ANKS1B: variants seen among roughly 807,000 people sequenced by gnomAD.
ANKS1B encodes ankyrin repeat and sterile alpha motif domain-containing protein 1B.
A neutral mutation model predicts 148.3 loss-of-function variants in ANKS1B; 36 were observed. The ratio of observed to expected loss-of-function variants is 0.24; its 90% confidence interval spans 0.19 to 0.32. The LOEUF (loss-of-function observed/expected upper bound fraction) is 0.32. Among genes scored for constraint, ANKS1B ranks in the 10% least tolerant of loss-of-function variants. ANKS1B has a pLI of 1.00. For missense variants in ANKS1B, 1,157 were observed against 1,542.6 expected (o/e 0.75, Z 4.19); for synonymous variants, 542 against 560.8 (o/e 0.97, Z 0.47).
At chr12:99,694,157 T>C (rs1173406106) in intron 8 of ANKS1B, among the ~76,000 whole-genome samples, 2 of 148,240 alleles carry the variant, frequency 1.3e-5, no homozygotes, top group African/African-American at 2.5e-5. Flanking sequence ...GACTATGAGA[T>C]GGGCACGGTG....
chr12:99,128,552 C>T (rs1401982428), intron 15 of ANKS1B, among the ~76,000 whole-genome samples: 2 of 152,090 alleles, frequency 1.3e-5, no homozygotes, highest in Non-Finnish European at 2.9e-5. Context: ...CTAATTTGAA[C>T]CTGTTTGAAT....
intron 25 of ANKS1B, among the ~76,000 whole-genome samples, chr12:98,759,750 C>T (rs1006621828): frequency 3.3e-5 from 5 of 152,054 alleles, no homozygotes; most frequent in East Asian, 1.9e-4. Flanking sequence ...AAACTGGAGG[C>T]GGGTGGATTG....
chr12:99,636,799 C>T (rs1482838409), intron 9 of ANKS1B, among the ~76,000 whole-genome samples: 6 of 152,116 alleles, frequency 3.9e-5, no homozygotes, highest in Non-Finnish European at 8.8e-5. Context: ...TTTATGATTA[C>T]AAATTTTAGC....
chr12:99,254,430 G>A lies in ANKS1B; in HGVS notation c.1757-7566C>T, dbSNP rs564528524. On this transcript the variant is annotated intron_variant, in intron 12 of 26. Transcript: ENST00000683438. ...GAGTTGTTCAGAGGCTACATGATGTGTCTTTTCACAGTGGAAATATGTGAT... is the reference window on the plus strand; with the variant it reads ...GAGTTGTTCAGAGGCTACATGATGTATCTTTTCACAGTGGAAATATGTGAT... Among the ~76,000 whole-genome samples the A allele has an allele frequency of 4.6e-5, 7 of 152,278 alleles. No individual in the cohort carries two copies. In the South Asian group the frequency reaches 1.2e-3, roughly 27 times the overall value.
At chr12:99,060,007 CG>C (rs2041867737) in intron 16 of ANKS1B, among the ~76,000 whole-genome samples, 1 of 151,844 alleles carries the variant, frequency 6.6e-6, no homozygotes, top group African/African-American at 2.4e-5. Context: ...TAAGCATGAA[CG>C]GAAGTCAGGC....
chr12:99,962,871 T>C (rs952284345), intron 1 of ANKS1B, among the ~76,000 whole-genome samples: 1 of 149,922 alleles, frequency 6.7e-6, no homozygotes, highest in Non-Finnish European at 1.5e-5. Context: ...TGGAGTGCAG[T>C]GGCATGATCT....
At chr12:98,853,101 G>A (rs1379960600) in intron 17 of ANKS1B, among the ~76,000 whole-genome samples, 1 of 152,178 alleles carries the variant, frequency 6.6e-6, no homozygotes, top group South Asian at 2.1e-4. Context: ...CCATTTGACT[G>A]GCAACAGCCT....
At chr12:98,937,322 G>T (rs996244005) in intron 17 of ANKS1B, among the ~76,000 whole-genome samples, 3 of 151,568 alleles carry the variant, frequency 2.0e-5, no homozygotes, top group Non-Finnish European at 4.4e-5. Flanking sequence ...AATTAATAGG[G>T]GTAGGTGATA....
intron 15 of ANKS1B, among the ~76,000 whole-genome samples, chr12:99,105,234 G>A (rs2058891995): frequency 6.6e-6 from 1 of 152,168 alleles, no homozygotes; most frequent in African/African-American, 2.4e-5. Context: ...AGACAGTTCA[G>A]ATTTCACCTT....
intron 11 of ANKS1B, among the ~76,000 whole-genome samples, chr12:99,412,453 G>A (rs2094742149): frequency 6.6e-6 from 1 of 152,194 alleles, no homozygotes; most frequent in Admixed American, 6.5e-5. Flanking sequence ...ACCATGCCCT[G>A]TTGCTCAGGC....
intron 8 of ANKS1B, among the ~76,000 whole-genome samples, chr12:99,739,095 C>G (rs1274127273): frequency 6.6e-6 from 1 of 152,010 alleles, no homozygotes; most frequent in African/African-American, 2.4e-5. Context: ...TCATCTTTCT[C>G]CAAAATCTCT....
At chr12:99,061,931 G>A (rs546124735) in intron 16 of ANKS1B, among the ~76,000 whole-genome samples, 4 of 152,160 alleles carry the variant, frequency 2.6e-5, no homozygotes, top group African/African-American at 9.7e-5. Flanking sequence ...GATAAGAGGA[G>A]AAAAATGCAG....
Position 98,745,747 on chromosome 12 carries a change from T to A in ANKS1B, c.3850A>T (p.Ile1284Phe). The A allele has an allele frequency of 6.2e-7, 1 of 1,613,438 alleles. No homozygotes were observed. Among genetic ancestry groups the A allele is most frequent in the Non-Finnish European group, 8.5e-7 (1 of 1,179,624 alleles). Residue 1284 changes from isoleucine to phenylalanine, a missense_variant, in exon 27 of 27, where the codon ATT (isoleucine) becomes TTT (phenylalanine). Physicochemically the swap from Ile to Phe is conservative, Grantham distance 21. This residue lies in a region of ANKS1B where 46 missense variants were observed against 62.0 expected (regional missense o/e 0.74). Transcript: ENST00000683438. ...CAGGAGGACGGCGAGTATCAGAAAA[T>A]CGTGGTTTCATACTTGGTATTAATG... Reference protein sequence around the residue: ...RGINTKYETTIF With the variant: ...RGINTKYETTFF
intron 8 of ANKS1B, among the ~76,000 whole-genome samples, chr12:99,695,710 C>G (rs1324890576): frequency 6.6e-6 from 1 of 152,090 alleles, no homozygotes; most frequent in Non-Finnish European, 1.5e-5. Context: ...AGGGGAACAA[C>G]ACTCACTGGG....
At chr12:99,121,224 A>G (rs2062726552) in intron 15 of ANKS1B, among the ~76,000 whole-genome samples, 2 of 151,936 alleles carry the variant, frequency 1.3e-5, no homozygotes, top group African/African-American at 2.4e-5. Flanking sequence ...GAGAAAAGAC[A>G]GAGGCTGAAG....
chr12:99,399,760 G>C lies in ANKS1B; in HGVS notation c.1627C>G (p.His543Asp), dbSNP rs1176943314. The change falls in exon 12 of 27, where the codon CAC becomes GAC. Residue 543 changes from histidine to aspartate, a missense_variant. His to Asp is a moderately conservative substitution (Grantham distance 81). Around this residue, in one of 6 missense-constraint regions of ANKS1B, gnomAD observed 661 missense variants for 642.1 expected, o/e 1.03. Coordinates refer to ENST00000683438, the MANE Select transcript of ANKS1B (RefSeq NM_001352186.2). ...VSSLDFHRMN[H>D]NQEYFEINTS... ...TTGATTTCAAAATATTCTTGGTTGT[G>C]ATTCATTCGGTGAAAATCCAGAGAA... 2.5e-6 allele frequency: 4 copies of C among 1,613,480 alleles called. No homozygotes were observed. Among genetic ancestry groups the C allele is most frequent in the Non-Finnish European group, 3.4e-6 (4 of 1,179,518 alleles).
At chr12:99,387,517 G>A (rs1400653788) in intron 12 of ANKS1B, among the ~76,000 whole-genome samples, 1 of 152,108 alleles carries the variant, frequency 6.6e-6, no homozygotes, top group East Asian at 1.9e-4. Flanking sequence ...TCGGGAGGCT[G>A]AGGCAGGGTT....
chr12:99,152,709 T>A (rs927114335), intron 15 of ANKS1B, among the ~76,000 whole-genome samples: 5 of 152,118 alleles, frequency 3.3e-5, no homozygotes, highest in African/African-American at 7.2e-5. Flanking sequence ...GGGACCAGAA[T>A]AAATTTGGAC....
At chr12:99,769,895 A>G (rs190966958) in intron 8 of ANKS1B, among the ~76,000 whole-genome samples, 1 of 152,344 alleles carries the variant, frequency 6.6e-6, no homozygotes, top group East Asian at 1.9e-4. Flanking sequence ...CTGTTTCTTC[A>G]GGCTGGAATC....
Sources: gnomAD v4.1 joint callset for allele counts (sites outside exome capture counted in the v4.1 genomes callset) on GRCh38, gnomAD v4.1.1 for gene constraint, gnomAD v4.1.1 regional missense constraint, MANE v1.5 for transcripts, NCBI Gene and HGNC (gene_info 2026-07-23, HGNC 2026-07-21) for gene names.